Variants in CEP162 observed in about 807,000 individuals in gnomAD.
The protein encoded by CEP162 is centrosomal protein of 162 kDa.
In CEP162, 141 loss-of-function variants were observed where a neutral mutation model predicts 169.2. The observed-to-expected ratio is 0.83, with a 90% CI of 0.73 to 0.96. The LOEUF (loss-of-function observed/expected upper bound fraction) is 0.96. Among genes scored for constraint, CEP162 ranks in the 40% least tolerant of loss-of-function variants. The pLI, the probability that CEP162 is intolerant of heterozygous loss-of-function variation, is 0.00. For synonymous variants in CEP162, 540 were observed against 526.4 expected, an observed-to-expected ratio of 1.03 and a Z score of -0.35; for missense variants, 1,600 against 1,587.2, an observed-to-expected ratio of 1.01 and a Z score of -0.14.
chr6:84,159,536 TA>T, intron 21 of CEP162, among the ~76,000 whole-genome samples: 1 of 44,856 alleles, frequency 2.2e-5, no homozygotes, highest in African/African-American at 9.4e-5. Context: ...TATATATATA[TA>T]TATATATATA....
intron 3 of CEP162, among the ~76,000 whole-genome samples, chr6:84,219,506 G>C (rs1423523798): frequency 1.3e-5 from 2 of 152,110 alleles, no homozygotes; most frequent in Non-Finnish European, 2.9e-5. Flanking sequence ...TAGACAAAAG[G>C]CTTTGTGTCC....
At chr6:84,159,485 C>A (rs1356962980) in intron 21 of CEP162, among the ~76,000 whole-genome samples, 2 of 125,532 alleles carry the variant, frequency 1.6e-5, no homozygotes, top group South Asian at 5.3e-4. Context: ...ACTATACTTA[C>A]TTCAGAATAT....
chr6:84,174,930 T>C lies in CEP162; in HGVS notation c.1822A>G (p.Asn608Asp). 6.3e-7 allele frequency: 1 copy of C among 1,596,408 alleles called. No individual in the cohort carries two copies. The highest frequency in any genetic ancestry group is 8.5e-7 in the Non-Finnish European group (1 of 1,170,780). The change falls in exon 15 of 27, where the codon AAC becomes GAC. Residue 608 changes from asparagine (N) to aspartate (D), a missense_variant. Coordinates refer to ENST00000403245, the MANE Select transcript of CEP162 (RefSeq NM_014895.4). Reference protein sequence around the residue: ...QTDSLGYCGENKEKKLLMFKR... With the variant: ...QTDSLGYCGEDKEKKLLMFKR... ...AACATAAGTAATTTCTTCTCCTTGT[T>C]CTCACCACAGTATCCTAAGGAATCC...
chr6:84,126,861 C>T (rs968067627), intron 25 of CEP162, among the ~76,000 whole-genome samples: 1 of 152,108 alleles, frequency 6.6e-6, no homozygotes, highest in African/African-American at 2.4e-5. Flanking sequence ...TAAAAAAGTA[C>T]ATTTAAAGCA....
At chr6:84,215,179 A>G (rs2099551051) in intron 5 of CEP162, 103 bp downstream of exon 5, 2 of 562,208 alleles carry the variant, frequency 3.6e-6, no homozygotes, top group African/African-American at 3.9e-5. Context: ...ATAAGATTTA[A>G]GTTTGCCTGT....
rs909879169 is a variant in CEP162, at chr6:84,215,360, A to C, written c.425T>G (p.Leu142Trp). The C allele has an allele frequency of 1.7e-5, 28 of 1,606,370 alleles. No homozygotes were observed. Among genetic ancestry groups the C allele is most frequent in the Non-Finnish European group, 2.4e-5 (28 of 1,175,494 alleles). ...EQFFARLEKG[L>W]TSSIDYSRLN... ...TCTCGAATAATCAATGGAAGATGTC[A>C]AGCCTTTCTCAAGCCTGGCAAAAAA... The change falls in exon 5 of 27, where the codon TTG (leucine) becomes TGG (tryptophan). Residue 142 changes from leucine (L) to tryptophan (W), a missense_variant. Physicochemically the swap from Leu to Trp is moderately conservative, Grantham distance 61 (BLOSUM62 -2). Transcript: ENST00000403245.
At chr6:84,154,519 C>T (rs2099522414) in intron 22 of CEP162, among the ~76,000 whole-genome samples, 1 of 152,048 alleles carries the variant, frequency 6.6e-6, no homozygotes, top group Admixed American at 6.6e-5. Flanking sequence ...ATCTAATGTT[C>T]TGTCATTTGT....
chr6:84,213,962 G>A (rs1268867196), intron 5 of CEP162, among the ~76,000 whole-genome samples: 1 of 152,134 alleles, frequency 6.6e-6, no homozygotes, highest in African/African-American at 2.4e-5. Context: ...CAAAGAGCAG[G>A]CTTGTTTCCA....
At chr6:84,214,036 T>C (rs2099550597) in intron 5 of CEP162, among the ~76,000 whole-genome samples, 1 of 152,188 alleles carries the variant, frequency 6.6e-6, no homozygotes, top group Non-Finnish European at 1.5e-5. Context: ...CCCAGCACTT[T>C]GGGAGGCTGA....
intron 6 of CEP162, among the ~76,000 whole-genome samples, chr6:84,211,526 C>CAAAAAAAAAAAAAA (rs960472453): frequency 2.8e-5 from 1 of 35,570 alleles, no homozygotes; most frequent in African/African-American, 7.5e-5. Flanking sequence ...GATTCTATCT[C>CAAAAAAAAAAAAAA]AAAAAAAAAA....
chr6:84,218,589 C>G (rs1205481202), intron 3 of CEP162, among the ~76,000 whole-genome samples: 1 of 152,090 alleles, frequency 6.6e-6, no homozygotes, highest in East Asian at 1.9e-4. Context: ...AACCAGAAGA[C>G]TGAAAATGTG....
In CEP162 at chr6:84,163,285, G is replaced by T; in HGVS notation, c.2386-15C>A. On this transcript the variant is annotated splice_polypyrimidine_tract_variant and intron_variant, in intron 18 of 26. Coordinates refer to ENST00000403245, the MANE Select transcript of CEP162 (RefSeq NM_014895.4). ...TCTTTTTCTTTCTTGATATTCAAAA[G>T]AAATATAAAAGCAAGTTTTTTACAA... 6.3e-7 allele frequency: 1 copy of T among 1,588,008 alleles called. No homozygotes were observed. Among genetic ancestry groups the T allele is most frequent in the East Asian group, 2.2e-5 (1 of 44,640 alleles).
rs1271054168 is a variant in CEP162 at position 84,125,339 on chromosome 6, CA to C, written c.4006-64del. On this transcript the variant is annotated intron_variant, in intron 26 of 26. Transcript: ENST00000403245. ...ATAGTGGTGGGTGAGGAACATTTAACAATCTTAAAGTAGGCAAACCTGGGGT... is the reference window on the plus strand; with the variant it reads ...ATAGTGGTGGGTGAGGAACATTTAACATCTTAAAGTAGGCAAACCTGGGGT... The C allele has an allele frequency of 2.7e-6, 4 of 1,464,982 alleles. No individual in the cohort carries two copies. The Admixed American group carries it at 5.3e-5, about 19-fold the overall frequency. The allele number at this position is 1,464,982 out of a possible 1,614,324, so 90.7% of individuals were successfully genotyped here.
intron 11 of CEP162, among the ~76,000 whole-genome samples, chr6:84,193,265 T>C (rs764895990): frequency 6.6e-6 from 1 of 152,224 alleles, no homozygotes; most frequent in Non-Finnish European, 1.5e-5. Flanking sequence ...CTAACTGGTT[T>C]ATAAAGAAGG....
intron 21 of CEP162, among the ~76,000 whole-genome samples, chr6:84,159,739 C>T (rs1412915069): frequency 2.0e-5 from 3 of 150,026 alleles, no homozygotes; most frequent in Non-Finnish European, 3.0e-5. Context: ...TAAAACCATG[C>T]CTGGCTAATT....
At chr6:84,175,756 G>A (rs972038558) in intron 13 of CEP162, among the ~76,000 whole-genome samples, 1 of 152,084 alleles carries the variant, frequency 6.6e-6, no homozygotes, top group African/African-American at 2.4e-5. Flanking sequence ...ACATTTTGGT[G>A]CGGACTAAGT....
In CEP162 at chr6:84,221,055, AC is replaced by A; in HGVS notation, c.172+1del. The A allele has an allele frequency of 6.7e-7, 1 of 1,489,298 alleles. No individual in the cohort carries two copies. Among genetic ancestry groups the A allele is most frequent in the Non-Finnish European group, 9.4e-7 (1 of 1,069,498 alleles). 92.3% of individuals were successfully genotyped at this position (1,489,298 alleles called of 1,614,324 possible). ...TTGAAACTAAAAATCAGCAACATTT[AC>A]CATCATCTTTAAAATCATCTTCAGT... On this transcript the variant is annotated splice_donor_variant, in intron 3 of 26. Coordinates refer to ENST00000403245, the MANE Select transcript of CEP162 (RefSeq NM_014895.4). LOFTEE classifies it high-confidence loss of function.
intron 19 of CEP162, 110 bp downstream of exon 19, chr6:84,163,033 AT>A: frequency 9.9e-7 from 1 of 1,011,956 alleles, no homozygotes; most frequent in Admixed American, 2.5e-5. Flanking sequence ...TAAAATTACA[AT>A]ATACTTCAAG....
intron 17 of CEP162, among the ~76,000 whole-genome samples, chr6:84,171,124 C>A (rs2099529949): frequency 6.6e-6 from 1 of 152,152 alleles, no homozygotes; most frequent in Admixed American, 6.5e-5. Context: ...TTCCTGCTTC[C>A]CTTGCTCCCT....
Sources: allele counts gnomAD v4.1 joint callset (sites outside exome capture counted in the v4.1 genomes callset), GRCh38; gene constraint gnomAD v4.1.1; transcripts MANE v1.5; gene names NCBI Gene and HGNC (gene_info 2026-07-23, HGNC 2026-07-21).